QTMAN: variants seen among roughly 807,000 people sequenced by gnomAD.
QTMAN encodes the protein queuosine-tRNA mannosyltransferase, also known as tRNA-queuosine alpha-mannosyltransferase.
chr2:143,976,737 TTC>T, the QTMAN span, among the ~76,000 whole-genome samples: 1 of 152,236 alleles, frequency 6.6e-6, no homozygotes, highest in Non-Finnish European at 1.5e-5. Flanking sequence ...TGCTCTTCTT[TTC>T]TCTCTTTTGG....
the QTMAN span, among the ~76,000 whole-genome samples, chr2:144,316,025 G>T: frequency 6.6e-6 from 1 of 152,112 alleles, no homozygotes; most frequent in Non-Finnish European, 1.5e-5. Context: ...CTGCACAGTT[G>T]CCTTTTGTAT....
the QTMAN span, among the ~76,000 whole-genome samples, chr2:143,961,307 C>G: frequency 1.3e-5 from 2 of 152,106 alleles, no homozygotes; most frequent in Non-Finnish European, 2.9e-5. Flanking sequence ...CCCCCATAGT[C>G]TTTTACTGGG....
chr2:144,281,199 C>A, the QTMAN span, among the ~76,000 whole-genome samples: 1 of 151,492 alleles, frequency 6.6e-6, no homozygotes, highest in African/African-American at 2.4e-5. Context: ...AACAAGAATT[C>A]TCTTACACTT....
the QTMAN span, among the ~76,000 whole-genome samples, chr2:144,230,559 GA>G: frequency 1.1e-4 from 16 of 148,038 alleles, no homozygotes; most frequent in South Asian, 2.1e-4. Flanking sequence ...AATTTAGAAG[GA>G]AAAAAAAACA....
At chr2:143,965,266 A>G in the QTMAN span, among the ~76,000 whole-genome samples, 1 of 152,170 alleles carries the variant, frequency 6.6e-6, no homozygotes, top group African/African-American at 2.4e-5. Flanking sequence ...AGGATCATTC[A>G]TGTCTCCTAT....
chr2:144,062,998 G>C, the QTMAN span, among the ~76,000 whole-genome samples: 1 of 152,078 alleles, frequency 6.6e-6, no homozygotes, highest in Non-Finnish European at 1.5e-5. Context: ...CCAGCCCCAG[G>C]CTAGAGTAAT....
the QTMAN span, among the ~76,000 whole-genome samples, chr2:144,168,720 T>C: frequency 3.3e-5 from 5 of 152,146 alleles, no homozygotes; most frequent in African/African-American, 7.2e-5. Context: ...TTTTTCTCTA[T>C]ACATCCTTTT....
chr2:144,297,780 C>T, the QTMAN span, among the ~76,000 whole-genome samples: 1 of 151,124 alleles, frequency 6.6e-6, no homozygotes, highest in Non-Finnish European at 1.5e-5. Flanking sequence ...TGGGGTTTCA[C>T]CATGTTAGCC....
At chr2:144,264,697 C>A in the QTMAN span, among the ~76,000 whole-genome samples, 1 of 152,198 alleles carries the variant, frequency 6.6e-6, no homozygotes, top group African/African-American at 2.4e-5. Flanking sequence ...TCAAGCTAAG[C>A]TACCATGAGA....
chr2:143,958,766 TTTTA>T, the QTMAN span, among the ~76,000 whole-genome samples: 2 of 151,406 alleles, frequency 1.3e-5, no homozygotes, highest in African/African-American at 4.9e-5. Flanking sequence ...TTTGGGTGAT[TTTTA>T]TTTCTTTCTT....
chr2:144,314,601 T>C, the QTMAN span, among the ~76,000 whole-genome samples: 1 of 152,186 alleles, frequency 6.6e-6, no homozygotes, highest in East Asian at 1.9e-4. Flanking sequence ...TAATCCCAGC[T>C]ACTCAGGAGG....
the QTMAN span, among the ~76,000 whole-genome samples, chr2:144,297,256 T>A: frequency 6.6e-6 from 1 of 152,192 alleles, no homozygotes; most frequent in Non-Finnish European, 1.5e-5. Flanking sequence ...TATTCTTGAA[T>A]AATGCCAAGA....
chr2:144,105,228 G>A, the QTMAN span, among the ~76,000 whole-genome samples: 2 of 152,148 alleles, frequency 1.3e-5, no homozygotes, highest in African/African-American at 2.4e-5. Flanking sequence ...GCAGCTCCTC[G>A]CCAGCAACAG....
At chr2:144,034,691 C>A in the QTMAN span, among the ~76,000 whole-genome samples, 20 of 152,120 alleles carry the variant, frequency 1.3e-4, no homozygotes, top group African/African-American at 4.8e-4. Flanking sequence ...AGAAGTATTA[C>A]AGTATATACG....
chr2:144,008,505 A>T, the QTMAN span, among the ~76,000 whole-genome samples: 6,770 of 152,112 alleles, frequency 0.045, 253 homozygotes, highest in East Asian at 0.17. Context: ...ATGCAACCCA[A>T]AGAGACTGGG....
chr2:144,127,433 G>C, the QTMAN span, among the ~76,000 whole-genome samples: 1 of 152,020 alleles, frequency 6.6e-6, no homozygotes, highest in Non-Finnish European at 1.5e-5. Context: ...ATTGTAAAAA[G>C]TTATTGAATT....
the QTMAN span, among the ~76,000 whole-genome samples, chr2:143,983,715 C>T: frequency 1.3e-5 from 2 of 152,138 alleles, no homozygotes; most frequent in South Asian, 2.1e-4. Context: ...CCTCGTGATC[C>T]GCCTGCCTCG....
chr2:144,028,342 T>C, the QTMAN span, among the ~76,000 whole-genome samples: 391 of 152,342 alleles, frequency 2.6e-3, 2 homozygotes, highest in Non-Finnish European at 4.2e-3. Flanking sequence ...AAAGTGAACC[T>C]AGAGAGTTAT....
the QTMAN span, among the ~76,000 whole-genome samples, chr2:144,091,793 C>T: frequency 6.6e-6 from 1 of 152,048 alleles, no homozygotes; most frequent in African/African-American, 2.4e-5. Context: ...AAATGCTCAT[C>T]AACACGTGGA....
Sources: gnomAD v4.1 joint callset for allele counts (sites outside exome capture counted in the v4.1 genomes callset) on GRCh38, gnomAD v4.1.1 for gene constraint, MANE v1.5 for transcripts, NCBI Gene and HGNC (gene_info 2026-07-23, HGNC 2026-07-21) for gene names.